Variants in KANSL1 observed in about 807,000 individuals in gnomAD.
KANSL1 encodes the protein MLL1/MLL complex subunit KANSL1.
A neutral mutation model predicts 103.6 loss-of-function variants in KANSL1; 22 were observed. The observed-to-expected ratio is 0.21, with a 90% CI of 0.15 to 0.30. The LOEUF is 0.30. KANSL1 is among the 10% of genes least tolerant of loss of function. The pLI is 1.00. For synonymous variants in KANSL1, 600 were observed against 527.6 expected (o/e 1.14, Z -1.88); for missense variants, 1,337 against 1,399.8 (o/e 0.96, Z 0.72).
In KANSL1 at chr17:46,200,639, G is replaced by A. The variant is rs1344245022; in HGVS notation, c.-90+23032C>T. On this transcript the variant is annotated intron_variant, in intron 1 of 14. Transcript: ENST00000572904. The stretch of plus-strand genomic sequence containing the variant: ...CACCCGTAGTCCCAGCTACTCGGGA[G>A]GCTGAGGCAGCAGAATGGCATGAAC... 2.0e-5 allele frequency among the ~76,000 whole-genome samples: 3 copies of A among 152,160 alleles called. No individual in the cohort carries two copies. In the East Asian group the frequency reaches 5.8e-4, roughly 29 times the overall value.
At chr17:46,061,142 G>A (rs2078144146) in intron 6 of KANSL1, among the ~76,000 whole-genome samples, 1 of 152,054 alleles carries the variant, frequency 6.6e-6, no homozygotes, top group Non-Finnish European at 1.5e-5. Context: ...AACACTGATG[G>A]TTTCCACTGC....
chr17:46,120,152 C>T (rs2043217188), intron 2 of KANSL1: 1 of 152,206 alleles, frequency 6.6e-6, no homozygotes, highest in South Asian at 2.1e-4. Context: ...TAATTAATAG[C>T]TACCAAAACT....
chr17:46,186,363 C>G (rs62060922), intron 1 of KANSL1, among the ~76,000 whole-genome samples: 21,848 of 148,060 alleles, frequency 0.15, 2,140 homozygotes, highest in Non-Finnish European at 0.22. Context: ...CAGCCTGGGG[C>G]ACAGAGCGAG....
At chr17:46,170,067 A>C (rs1272609765) in intron 2 of KANSL1, among the ~76,000 whole-genome samples, 1 of 152,188 alleles carries the variant, frequency 6.6e-6, no homozygotes, top group Non-Finnish European at 1.5e-5. Context: ...ACCTGAACCC[A>C]GGAGCCAGAG....
chr17:46,039,855 T>C lies in KANSL1; in HGVS notation c.2050A>G (p.Met684Val). Residue 684 changes from methionine (M) to valine (V), a missense_variant, in exon 8 of 15, where the codon ATG (methionine) becomes GTG (valine). Coordinates refer to ENST00000432791, the MANE Select transcript of KANSL1 (RefSeq NM_015443.4). ...TTGTTCTGCCACTGAGATTTCAGCA[T>C]GCTCTGGAAATGCAGGCTTGTGGGA... ...DVPTSLHFQS[M>V]LKSQWQNKPF... 2 of 1,614,266 alleles carry C rather than the reference T, an allele frequency of 1.2e-6. No individual in the cohort carries two copies. Among genetic ancestry groups the C allele is most frequent in the African/African-American group, 1.3e-5 (1 of 75,076 alleles).
At chr17:46,188,298 T>A (rs1321538353) in intron 1 of KANSL1, among the ~76,000 whole-genome samples, 1 of 152,262 alleles carries the variant, frequency 6.6e-6, no homozygotes, top group Non-Finnish European at 1.5e-5. Context: ...TGAGTTTTGA[T>A]CTCACATTTC....
At chr17:46,081,575 T>G (rs1335151464) in intron 4 of KANSL1, among the ~76,000 whole-genome samples, 1 of 152,220 alleles carries the variant, frequency 6.6e-6, no homozygotes, top group East Asian at 1.9e-4. Context: ...CTTTCCAAGA[T>G]CTAAACATCT....
At chr17:46,060,041 CGAA>C (rs1198993815) in intron 6 of KANSL1, among the ~76,000 whole-genome samples, 3 of 152,136 alleles carry the variant, frequency 2.0e-5, no homozygotes, top group Non-Finnish European at 4.4e-5. Flanking sequence ...ACTTGATACA[CGAA>C]GAAATTCCCA....
intron 9 of KANSL1, 108 bp from the exon 10 acceptor site, chr17:46,038,794 C>A (rs1187171331): frequency 3.5e-6 from 5 of 1,414,886 alleles, no homozygotes; most frequent in Admixed American, 1.8e-5. Flanking sequence ...AAAATGTTTT[C>A]TATGCCTAGA....
chr17:46,035,144 T>C (rs138129424), intron 10 of KANSL1: 12 of 152,306 alleles, frequency 7.9e-5, no homozygotes, highest in Admixed American at 3.3e-4. Context: ...GCTGCCCAGA[T>C]AGTTAATACC....
intron 2 of KANSL1, among the ~76,000 whole-genome samples, chr17:46,170,003 T>C (rs2046197907): frequency 6.6e-6 from 1 of 152,286 alleles, no homozygotes; most frequent in South Asian, 2.1e-4. Flanking sequence ...TAGCCTGACT[T>C]GGTGGCGGGT....
chr17:46,158,443 A>C (rs2147584030), intron 2 of KANSL1, among the ~76,000 whole-genome samples: 1 of 151,860 alleles, frequency 6.6e-6, no homozygotes, highest in South Asian at 2.1e-4. Context: ...GCTCACTGCA[A>C]CATCTGCCTC....
chr17:46,058,743 A>ACACACTCTCTCT (rs2078032998), intron 6 of KANSL1, among the ~76,000 whole-genome samples: 1 of 67,958 alleles, frequency 1.5e-5, no homozygotes, highest in Non-Finnish European at 3.3e-5. Flanking sequence ...ACACACACAC[A>ACACACTCTCTCT]CTCTCTCTCT....
rs536584237 is a variant in KANSL1, at chr17:46,120,305, A to C, written c.1290-25604T>G. On this transcript the variant is annotated intron_variant, in intron 2 of 14. Transcript: ENST00000432791. ...GGATCAGGTTATCTGGCAGCTCCTG[A>C]AACAGGACAGTTTCAGGAACCCTGT... 3.3e-5 allele frequency among the ~76,000 whole-genome samples: 5 copies of C among 152,360 alleles called. No individual in the cohort carries two copies. The East Asian group carries it at 9.6e-4, about 29-fold the overall frequency.
intron 6 of KANSL1, among the ~76,000 whole-genome samples, chr17:46,051,968 AAGGGAGTGAT>A (rs1358668399): frequency 1.3e-5 from 2 of 152,210 alleles, no homozygotes; most frequent in African/African-American, 4.8e-5. Flanking sequence ...AAGCCACTGA[AAGGGAGTGAT>A]ACCAACTAGG....
chr17:46,031,801 C>T (rs2146302962), intron 14 of KANSL1, 98 bp from the exon 15 acceptor site: 1 of 1,195,410 alleles, frequency 8.4e-7, no homozygotes, highest in African/African-American at 1.5e-5. Context: ...GAGCCTAGGA[C>T]CAGTCTATCT....
chr17:46,141,048 G>A (rs1339009922), intron 2 of KANSL1, among the ~76,000 whole-genome samples: 1 of 150,274 alleles, frequency 6.7e-6, no homozygotes, highest in Non-Finnish European at 1.5e-5. Flanking sequence ...AGCATTCCCA[G>A]AACAGTGATT....
At chr17:46,131,093 C>T (rs1414594122) in intron 2 of KANSL1, among the ~76,000 whole-genome samples, 1 of 152,190 alleles carries the variant, frequency 6.6e-6, no homozygotes, top group African/African-American at 2.4e-5. Flanking sequence ...GATACTCAAA[C>T]TGCCACCCGT....
At chr17:46,061,656 C>G (rs2078161659) in intron 6 of KANSL1, among the ~76,000 whole-genome samples, 1 of 152,190 alleles carries the variant, frequency 6.6e-6, no homozygotes, top group Non-Finnish European at 1.5e-5. Flanking sequence ...TTACCACACC[C>G]TAGTGGTTAT....
Sources: gnomAD v4.1 joint callset for allele counts (sites outside exome capture counted in the v4.1 genomes callset) on GRCh38, gnomAD v4.1.1 for gene constraint, MANE v1.5 for transcripts, NCBI Gene and HGNC (gene_info 2026-07-23, HGNC 2026-07-21) for gene names.